The following PRKAR1A variants were observed in gnomAD, a reference collection of about 807,000 sequenced individuals.
PRKAR1A encodes the protein cAMP-dependent protein kinase type I-alpha regulatory subunit.
PRKAR1A carries 3 observed loss-of-function variants against 52.0 expected under a neutral mutation model. The observed-to-expected ratio is 0.06, with a 90% CI of 0.03 to 0.15. PRKAR1A has a LOEUF of 0.15. Among genes scored for constraint, PRKAR1A ranks in the 10% least tolerant of loss-of-function variants. The pLI, the probability that PRKAR1A is intolerant of heterozygous loss-of-function variation, is 1.00. For missense variants in PRKAR1A, 240 were observed against 477.4 expected, an observed-to-expected ratio of 0.50 and a Z score of 4.63; for synonymous variants, 188 against 168.4, an observed-to-expected ratio of 1.12 and a Z score of -0.90.
chr17:68,455,982 T>G, the PRKAR1A span, among the ~76,000 whole-genome samples: 1 of 152,236 alleles, frequency 6.6e-6, no homozygotes, highest in African/African-American at 2.4e-5. Flanking sequence ...TACCAGCATT[T>G]TTATAAACTG....
chr17:68,421,508 A>C, the PRKAR1A span: 1 of 490,134 alleles, frequency 2.0e-6, no homozygotes, highest in Admixed American at 3.3e-5. Context: ...TTATATACCA[A>C]TATGGTTAAT....
At chr17:68,428,857 C>T in the PRKAR1A span, 91 of 1,613,956 alleles carry the variant, frequency 5.6e-5, no homozygotes, top group Non-Finnish European at 7.5e-5. Flanking sequence ...ACACACTCTC[C>T]TCCATCCTGA....
chr17:68,502,117 A>T, the PRKAR1A span, among the ~76,000 whole-genome samples: 17,730 of 152,076 alleles, frequency 0.12, 1,051 homozygotes, highest in Middle Eastern at 0.16. Flanking sequence ...CAGGCTCCAG[A>T]CTCCAGAGAG....
intron 11 of PRKAR1A, among the ~76,000 whole-genome samples, chr17:68,547,696 G>T (rs1322406950): frequency 6.6e-6 from 1 of 152,162 alleles, no homozygotes; most frequent in Non-Finnish European, 1.5e-5. Flanking sequence ...TTAAGCTTTG[G>T]CTTAAGGGAA....
chr17:68,422,981 T>C, the PRKAR1A span, among the ~76,000 whole-genome samples: 1 of 152,152 alleles, frequency 6.6e-6, no homozygotes, highest in African/African-American at 2.4e-5. Flanking sequence ...AGCGTGATCC[T>C]ACGCAGGGAA....
At chr17:68,482,453 T>C in the PRKAR1A span, among the ~76,000 whole-genome samples, 1 of 152,126 alleles carries the variant, frequency 6.6e-6, no homozygotes, top group Admixed American at 6.6e-5. Context: ...GAAACAAGGA[T>C]TATTGGGACT....
the PRKAR1A span, among the ~76,000 whole-genome samples, chr17:68,473,100 T>C: frequency 6.6e-6 from 1 of 152,238 alleles, no homozygotes; most frequent in Non-Finnish European, 1.5e-5. Context: ...TATCAGCCTC[T>C]CTTGGCAAAT....
chr17:68,461,915 G>A, the PRKAR1A span, among the ~76,000 whole-genome samples: 73 of 152,188 alleles, frequency 4.8e-4, 1 homozygote, highest in Non-Finnish European at 4.9e-4. The surrounding 1 kb of genome is among the most constrained non-coding windows in gnomAD (Gnocchi z 4.6). Flanking sequence ...AAGTCTGGCC[G>A]AGCAGCAGGT....
chr17:68,547,957 T>C (rs1219808993), intron 11 of PRKAR1A, among the ~76,000 whole-genome samples: 1 of 152,226 alleles, frequency 6.6e-6, no homozygotes, highest in Non-Finnish European at 1.5e-5. Flanking sequence ...GTGAGAGATA[T>C]GACACTCCTC....
chr17:68,479,518 C>G, the PRKAR1A span, among the ~76,000 whole-genome samples: 1 of 152,270 alleles, frequency 6.6e-6, no homozygotes, highest in East Asian at 1.9e-4. Flanking sequence ...TCTTCCTCAT[C>G]ATCTCTGGGG....
At chr17:68,539,199 A>G in intron 11 of PRKAR1A, 1 of 768,270 alleles carries the variant, frequency 1.3e-6, no homozygotes, top group Non-Finnish European at 2.3e-6. Context: ...AATGTGTAGG[A>G]AATAAGGTGA....
chr17:68,504,046 C>T, the PRKAR1A span, among the ~76,000 whole-genome samples: 1 of 152,148 alleles, frequency 6.6e-6, no homozygotes, highest in South Asian at 2.1e-4. Context: ...TAGGTACATA[C>T]CCCAAAGAAA....
chr17:68,530,946 C>T lies in PRKAR1A; in HGVS notation c.*497C>T, dbSNP rs902334668. ...AGAAAATCTTAGTATAGTAGAAAGA[C>T]ATCTGCCTGTAATTAAACTAGTTTA... On this transcript the variant is annotated 3_prime_UTR_variant, in exon 11 of 11. Transcript: ENST00000589228. The T allele has an allele frequency of 3.0e-5, 33 of 1,088,680 alleles. 1 individual carries two copies. The Middle Eastern group carries it at 1.6e-3, about 53-fold the overall frequency. The allele number at this position is 1,088,680 out of a possible 1,614,324, so 67.4% of individuals were successfully genotyped here. A position where few individuals can be genotyped will look rare whatever the true frequency, so the allele number is the denominator to read the frequency against.
At chr17:68,497,464 T>C in the PRKAR1A span, among the ~76,000 whole-genome samples, 1 of 152,232 alleles carries the variant, frequency 6.6e-6, no homozygotes, top group Non-Finnish European at 1.5e-5. Context: ...TAGCTACAGC[T>C]GGCACTTGAA....
chr17:68,513,993 A>T (rs1210013656), intron 1 of PRKAR1A, among the ~76,000 whole-genome samples: 1 of 152,174 alleles, frequency 6.6e-6, no homozygotes, highest in African/African-American at 2.4e-5. Context: ...ACTGAAGTGG[A>T]TCTTCAGTTC....
chr17:68,422,974 G>A, the PRKAR1A span, among the ~76,000 whole-genome samples: 2 of 152,106 alleles, frequency 1.3e-5, no homozygotes, highest in Admixed American at 6.6e-5. Context: ...GGAGGCAAGC[G>A]TGATCCTACG....
At chr17:68,419,194 A>G in the PRKAR1A span, among the ~76,000 whole-genome samples, 1 of 152,138 alleles carries the variant, frequency 6.6e-6, no homozygotes, top group Non-Finnish European at 1.5e-5. Context: ...TGATTCACCA[A>G]TTGGTAGTCA....
downstream of PRKAR1A, chr17:68,537,772 A>AGAAGTTCAG (rs1412957127): frequency 6.3e-7 from 1 of 1,593,220 alleles, no homozygotes; most frequent in Admixed American, 1.8e-5. This position sits in a 1 kb window ranked among gnomAD's most constrained non-coding sequence, Gnocchi z 4.2. Flanking sequence ...GAACCAAATA[A>AGAAGTTCAG]GCAAATGTAA....
At chr17:68,425,117 A>T in the PRKAR1A span, among the ~76,000 whole-genome samples, 3 of 152,220 alleles carry the variant, frequency 2.0e-5, no homozygotes, top group East Asian at 5.8e-4. Flanking sequence ...CTGTGGGAAC[A>T]GGCTGAGCAG....
Sources: gnomAD v4.1 joint callset for allele counts (sites outside exome capture counted in the v4.1 genomes callset) on GRCh38, gnomAD v4.1.1 for gene constraint, Gnocchi (gnomAD v3.1) non-coding constraint, MANE v1.5 for transcripts, NCBI Gene and HGNC (gene_info 2026-07-23, HGNC 2026-07-21) for gene names.